Variants in BANP observed in about 807,000 individuals in gnomAD.
BANP encodes the protein BTG3 associated nuclear protein.
In BANP, 11 loss-of-function variants were observed where a neutral mutation model predicts 68.1. The observed-to-expected ratio is 0.16, with a 90% confidence interval of 0.10 to 0.27. The LOEUF (loss-of-function observed/expected upper bound fraction) is 0.27, where lower values mean the gene tolerates loss of function less well. Ranked by LOEUF, BANP falls within the 10% of genes least tolerant of loss-of-function variation. The probability of loss-of-function intolerance (pLI) is 1.00; values close to 1 mark genes in which losing one functional copy is unlikely to be tolerated. For missense variants in BANP, 504 were observed against 722.7 expected (o/e 0.70, Z 3.47); for synonymous variants, 329 against 303.2 (o/e 1.09, Z -0.88).
intron 2 of BANP, 67 bp downstream of exon 2, chr16:87,975,252 C>CAGTTAA: frequency 6.7e-7 from 1 of 1,491,710 alleles, no homozygotes; most frequent in Admixed American, 1.7e-5. Context: ...AAAGCTGCTC[C>CAGTTAA]AGTTATTTTC....
chr16:87,987,114 G>A (rs769966622), intron 4 of BANP, among the ~76,000 whole-genome samples: 3 of 151,830 alleles, frequency 2.0e-5, no homozygotes, highest in East Asian at 1.9e-4. Flanking sequence ...GACTCCGCTC[G>A]GCCACCCAGG....
intron 4 of BANP, 52 bp downstream of exon 4, chr16:87,984,311 G>A (rs1276554341): frequency 6.2e-6 from 9 of 1,443,584 alleles, no homozygotes; most frequent in African/African-American, 1.4e-5. Flanking sequence ...GGAGAAGCGC[G>A]TCACCTCCTC....
rs147316015 is a variant in BANP at position 87,993,500 on chromosome 16, G to A, written c.362+9241G>A. 7.4e-3 allele frequency among the ~76,000 whole-genome samples: 1,120 copies of A among 152,204 alleles called. 16 individuals carry two copies. The highest frequency in any genetic ancestry group is 0.025 in the African/African-American group (1,058 of 41,524). On this transcript the variant is annotated intron_variant, in intron 4 of 13. Transcript: ENST00000682872. ...TTCATTCTGGTGCTCACATCCTTCC[G>A]GCTTTGGCCATTGGCAGCTCGTCAG...
rs2075215059 is a variant in BANP at position 88,018,889 on chromosome 16, T to C, written c.895+222T>C. Among the ~76,000 whole-genome samples, 1 of 152,216 alleles carries C rather than the reference T, an allele frequency of 6.6e-6. No homozygotes were observed. Among genetic ancestry groups the C allele is most frequent in the Non-Finnish European group, 1.5e-5 (1 of 68,038 alleles). On this transcript the variant is annotated intron_variant, in intron 7 of 13. Coordinates refer to ENST00000682872, the MANE Select transcript of BANP (RefSeq NM_001386991.1). This position sits in a 1 kb window ranked among gnomAD's most constrained non-coding sequence, Gnocchi z 7.7. ...CATGCCCGCACCAAAATACCTCATA[T>C]ACCCCATCATATATATACCTACTGT... is the stretch of plus-strand genomic sequence containing the variant.
rs149952029 is a variant in BANP, at chr16:87,957,886, G to A, written c.-69+6371G>A. Reference sequence around the variant, plus strand: ...GGCCAGGATGCGGACAACCCCTGCCGCTACGTGTCCTCAAGTGAGCTCAGC... The same window carrying A: ...GGCCAGGATGCGGACAACCCCTGCCACTACGTGTCCTCAAGTGAGCTCAGC... On this transcript the variant is annotated intron_variant, in intron 1 of 13. Transcript: ENST00000682872. The surrounding 1 kb of genome is among the most constrained non-coding windows in gnomAD (Gnocchi z 4.3). Among the ~76,000 whole-genome samples, 30 of 152,220 alleles carry A rather than the reference G, an allele frequency of 2.0e-4. No individual in the cohort carries two copies. In the East Asian group the frequency reaches 4.2e-3, roughly 22 times the overall value.
intron 11 of BANP, among the ~76,000 whole-genome samples, chr16:88,044,971 G>T (rs1478999455): frequency 6.6e-6 from 1 of 151,344 alleles, no homozygotes; most frequent in African/African-American, 2.4e-5. Flanking sequence ...AACAGAGCGC[G>T]ACTCCGTCTC....
rs1012037074 is a variant in BANP at position 88,033,299 on chromosome 16, C to T, written c.1200+54C>T. 1.4e-5 allele frequency: 21 copies of T among 1,464,844 alleles called. No individual in the cohort carries two copies. The East Asian group carries it at 1.4e-4, about 10-fold the overall frequency. The allele number at this position is 1,464,844 out of a possible 1,614,324, so 90.7% of individuals were successfully genotyped here. Reference sequence around the variant, plus strand: ...GGAAAGGGGGCTGCGGGGTGGGCCACGGCAGGGCCATGGCGGCTTCCACCG... The same window carrying T: ...GGAAAGGGGGCTGCGGGGTGGGCCATGGCAGGGCCATGGCGGCTTCCACCG... On this transcript the variant is annotated intron_variant, in intron 9 of 13. Transcript: ENST00000682872.
At chr16:87,985,734 C>T (rs529568766) in intron 4 of BANP, among the ~76,000 whole-genome samples, 3 of 152,234 alleles carry the variant, frequency 2.0e-5, no homozygotes, top group African/African-American at 4.8e-5. Context: ...TCCTGGTGAC[C>T]GGGGGGCAGT....
chr16:87,986,261 G>GTGTCACT (rs968758531), intron 4 of BANP, among the ~76,000 whole-genome samples: 2 of 152,216 alleles, frequency 1.3e-5, no homozygotes, highest in Non-Finnish European at 1.5e-5. Context: ...TGCCCATCAC[G>GTGTCACT]TGTCACTTGT....
chr16:87,985,774 G>C lies in BANP; in HGVS notation c.362+1515G>C, dbSNP rs138036949. ...GCAGACGGACCCAGGTGTGACACTG[G>C]GAGTTCAGCCCCCAGCTGGTGATAG... On this transcript the variant is annotated intron_variant, in intron 4 of 13. Transcript: ENST00000682872. Among the ~76,000 whole-genome samples, 944 of 152,316 alleles carry C rather than the reference G, an allele frequency of 6.2e-3. 8 individuals carry two copies. The highest frequency in any genetic ancestry group is 9.8e-3 in the Non-Finnish European group (665 of 68,040).
At chr16:87,993,831 C>T (rs1381744966) in intron 4 of BANP, among the ~76,000 whole-genome samples, 19 of 152,124 alleles carry the variant, frequency 1.2e-4, no homozygotes, top group Non-Finnish European at 2.6e-4. Context: ...GAACTCCTGA[C>T]CTCAGGTGAT....
intron 11 of BANP, among the ~76,000 whole-genome samples, chr16:88,048,512 G>A (rs551923393): frequency 2.9e-4 from 42 of 146,346 alleles, no homozygotes; most frequent in African/African-American, 9.9e-4. Flanking sequence ...CGCTCACCAC[G>A]GATTAAAGAA....
chr16:87,973,768 A>AAG (rs1555544110), intron 1 of BANP, among the ~76,000 whole-genome samples: 1 of 104,934 alleles, frequency 9.5e-6, no homozygotes. Flanking sequence ...AAAAAAAAAA[A>AAG]AAAAAAGAAA....
rs1230380246 is a variant in BANP, at chr16:88,018,381, GC to G, written c.656-46del. On this transcript the variant is annotated intron_variant, in intron 6 of 13. Coordinates refer to ENST00000682872, the MANE Select transcript of BANP (RefSeq NM_001386991.1). The surrounding 1 kb of genome is among the most constrained non-coding windows in gnomAD (Gnocchi z 7.7). ...GAGCGCTCTGCTGTCCTGAATGTGA[GC>G]TTATTTGAGCCTTGGCCATCTGAGG... 6.3e-7 allele frequency: 1 copy of G among 1,581,744 alleles called. No individual in the cohort carries two copies. Among genetic ancestry groups the G allele is most frequent in the East Asian group, 2.2e-5 (1 of 44,548 alleles).
intron 12 of BANP, among the ~76,000 whole-genome samples, chr16:88,065,675 GGT>G (rs1451730716): frequency 6.6e-6 from 1 of 152,212 alleles, no homozygotes; most frequent in Admixed American, 6.5e-5. Flanking sequence ...TGGCACAAGT[GGT>G]GATGGTTCCC....
intron 1 of BANP, among the ~76,000 whole-genome samples, chr16:87,969,032 T>G (rs923438632): frequency 6.6e-6 from 1 of 152,180 alleles, no homozygotes; most frequent in East Asian, 1.9e-4. Context: ...TCTGACATAC[T>G]TCTTAAAAAT....
chr16:87,957,830 A>C lies in BANP; in HGVS notation c.-69+6315A>C, dbSNP rs1030653591. On this transcript the variant is annotated intron_variant, in intron 1 of 13. Transcript: ENST00000682872. The surrounding 1 kb of genome is among the most constrained non-coding windows in gnomAD (Gnocchi z 4.3). ...TTGGGCCACGGTCCCTGCTGTCATC[A>C]TGGCATGCTGCAAGCTCTGTGGGCG... 1.3e-5 allele frequency among the ~76,000 whole-genome samples: 2 copies of C among 152,016 alleles called. No individual in the cohort carries two copies. The highest frequency in any genetic ancestry group is 1.3e-4 in the Admixed American group (2 of 15,268).
intron 11 of BANP, among the ~76,000 whole-genome samples, chr16:88,048,033 G>T (rs7403837): frequency 3.9e-5 from 6 of 152,258 alleles, no homozygotes; most frequent in Admixed American, 2.0e-4. Flanking sequence ...GTGCAGGGCC[G>T]GCTCAAAGAG....
chr16:88,024,863 G>C (rs748622463), intron 7 of BANP, among the ~76,000 whole-genome samples: 2 of 152,276 alleles, frequency 1.3e-5, no homozygotes, highest in Non-Finnish European at 2.9e-5. Flanking sequence ...GTCAGGGTTT[G>C]AACTGGCAAC....
Sources: allele counts gnomAD v4.1 joint callset (sites outside exome capture counted in the v4.1 genomes callset), GRCh38; gene constraint gnomAD v4.1.1; non-coding constraint Gnocchi (gnomAD v3.1); transcripts MANE v1.5; gene names NCBI Gene and HGNC (gene_info 2026-07-23, HGNC 2026-07-21).